PPP1R16A: variants seen among roughly 807,000 people sequenced by gnomAD.
PPP1R16A encodes myosin phosphatase-targeting subunit 3.
In PPP1R16A, 39 loss-of-function variants were observed where a neutral mutation model predicts 46.6. The observed-to-expected ratio is 0.84, with a 90% confidence interval of 0.65 to 1.09. The LOEUF (loss-of-function observed/expected upper bound fraction) is 1.09, where lower values mean the gene tolerates loss of function less well. Ranked by LOEUF, PPP1R16A falls within the 50% of genes least tolerant of loss-of-function variation. The pLI, the probability that PPP1R16A is intolerant of heterozygous loss-of-function variation, is 0.00. For synonymous variants in PPP1R16A, 413 were observed against 321.5 expected (o/e 1.28, Z -3.04); for missense variants, 798 against 735.6 (o/e 1.08, Z -0.98).
chr8:144,501,802 G>T lies in PPP1R16A; in HGVS notation c.1486G>T (p.Asp496Tyr), dbSNP rs377443927. 1.3e-6 allele frequency: 2 copies of T among 1,556,610 alleles called. No individual in the cohort carries two copies. Among genetic ancestry groups the T allele is most frequent in the Non-Finnish European group, 8.7e-7 (1 of 1,151,292 alleles). ...LPGDTVTPQP[D>Y]CGFRAGGDPP... Reference sequence around the variant, plus strand: ...TGGTGACACGGTGACCCCCCAGCCTGACTGTGGCTTCAGGGCAGGCGGGGA... The same window carrying T: ...TGGTGACACGGTGACCCCCCAGCCTTACTGTGGCTTCAGGGCAGGCGGGGA... The change falls in exon 12 of 12, where the codon GAC becomes TAC. Residue 496 changes from aspartate (D) to tyrosine (Y), a missense_variant. Asp to Tyr is a radical substitution (Grantham distance 160). Transcript: ENST00000435887.
At chr8:144,483,432 C>T (rs1024831234) in intron 1 of PPP1R16A, among the ~76,000 whole-genome samples, 10 of 152,244 alleles carry the variant, frequency 6.6e-5, no homozygotes, top group East Asian at 1.9e-4. Context: ...ATTTTTGAGA[C>T]GAAGTCTTGC....
chr8:144,500,430 C>A (rs1250889865), intron 7 of PPP1R16A, 39 bp downstream of exon 7: 1 of 1,524,248 alleles, frequency 6.6e-7, no homozygotes, highest in East Asian at 2.4e-5. Flanking sequence ...GGGCTGGGGG[C>A]CTCGCTACTT....
intron 3 of PPP1R16A, chr8:144,497,822 G>A: frequency 2.6e-6 from 1 of 388,478 alleles, no homozygotes; most frequent in Non-Finnish European, 5.0e-6. Flanking sequence ...TTGTTAGGCT[G>A]CTCAGGAGAG....
chr8:144,491,344 T>C (rs145866829), intron 2 of PPP1R16A, among the ~76,000 whole-genome samples: 42 of 152,316 alleles, frequency 2.8e-4, no homozygotes, highest in African/African-American at 9.1e-4. Flanking sequence ...TCGGGTGTGG[T>C]GGCTCATACC....
chr8:144,500,858 G>A lies in PPP1R16A; in HGVS notation c.924G>A (p.Glu308=). ...ACTTCTCAGATGTGTGCGGGGACGA[G>A]GAGGTGCGGGCCAAGCTGCTGGAGC... is the stretch of plus-strand genomic sequence containing the variant. The part of the protein sequence containing the change: ...DETPLDVCGD[E]EVRAKLLELK... The change falls in exon 10 of 12, where the codon GAG becomes GAA. Residue 308 remains glutamate, a synonymous_variant. Transcript: ENST00000435887. 1.3e-6 allele frequency: 2 copies of A among 1,572,300 alleles called. No individual in the cohort carries two copies. Among genetic ancestry groups the A allele is most frequent in the Non-Finnish European group, 8.6e-7 (1 of 1,160,636 alleles).
intron 1 of PPP1R16A, among the ~76,000 whole-genome samples, chr8:144,488,864 C>G (rs1825704425): frequency 6.6e-6 from 1 of 151,576 alleles, no homozygotes; most frequent in African/African-American, 2.4e-5. Context: ...GGGACAGAGC[C>G]CCAGGGGAGG....
chr8:144,486,575 G>A (rs1179315608), intron 1 of PPP1R16A, among the ~76,000 whole-genome samples: 1 of 152,204 alleles, frequency 6.6e-6, no homozygotes, highest in African/African-American at 2.4e-5. Flanking sequence ...GTATCTCGCT[G>A]TGGCTCTAAT....
chr8:144,480,679 T>C (rs1198214206), intron 1 of PPP1R16A, among the ~76,000 whole-genome samples: 2 of 151,542 alleles, frequency 1.3e-5, no homozygotes, highest in Non-Finnish European at 2.9e-5. Context: ...AGAGATGGGA[T>C]TTCACCGTGT....
chr8:144,501,289 C>A lies in PPP1R16A; in HGVS notation c.1198C>A (p.Pro400Thr). The change falls in exon 11 of 12, where the codon CCG becomes ACG. Residue 400 changes from proline to threonine, a missense_variant. Pro to Thr is a conservative substitution (Grantham distance 38). Coordinates refer to ENST00000435887, the MANE Select transcript of PPP1R16A (RefSeq NM_001329443.2). ...AGGCGCAGAGCTCAGGCCGCCGCCC[C>A]CGGAGGTGAGCGCCCCGTCCCTGCT... ...QTGAELRPPP[P>T]EEDNPEVVRP... 1 of 1,584,192 alleles carries A rather than the reference C, an allele frequency of 6.3e-7. No individual in the cohort carries two copies. Among genetic ancestry groups the A allele is most frequent in the Non-Finnish European group, 8.5e-7 (1 of 1,170,646 alleles).
chr8:144,485,102 C>A (rs911043765), intron 1 of PPP1R16A, among the ~76,000 whole-genome samples: 2 of 151,222 alleles, frequency 1.3e-5, no homozygotes, highest in Non-Finnish European at 2.9e-5. Flanking sequence ...AGGAGTCAGC[C>A]CCCTCAGAGG....
At chr8:144,478,149 C>T (rs879729842) in intron 1 of PPP1R16A, 22 bp downstream of exon 1, 11 of 394,466 alleles carry the variant, frequency 2.8e-5, no homozygotes, top group Admixed American at 4.4e-5. Flanking sequence ...ACTCCCGGGT[C>T]CTGCGGCGGG....
At position 144,498,795 on chromosome 8, in the gene PPP1R16A, C is replaced by G. The variant is rs1488136829; in HGVS notation, c.285C>G (p.Val95=). The part of the protein sequence containing the change: ...EEVRQFLGSG[V]SPDLANEDGL... ...TCCGCCAGTTCCTTGGGAGTGGGGT[C>G]AGCCCTGACTTGGCCAACGAGGACG... is the stretch of plus-strand genomic sequence containing the variant. The change falls in exon 4 of 12, where the codon GTC becomes GTG. Residue 95 remains valine (V), a synonymous_variant. Coordinates refer to ENST00000435887, the MANE Select transcript of PPP1R16A (RefSeq NM_001329443.2). 3 of 1,596,736 alleles carry G rather than the reference C, an allele frequency of 1.9e-6. No individual in the cohort carries two copies. Among genetic ancestry groups the G allele is most frequent in the Non-Finnish European group, 8.6e-7 (1 of 1,167,174 alleles).
chr8:144,497,252 C>T lies in PPP1R16A; in HGVS notation c.58C>T (p.Gln20Ter). The T allele has an allele frequency of 1.2e-6, 2 of 1,607,788 alleles. No individual in the cohort carries two copies. The highest frequency in any genetic ancestry group is 2.2e-5 in the South Asian group (2 of 90,366). ...GCCCATGGTGGGCAGGATGAGCACA[C>T]AGGAGCGGCTGAAGCATGCCCAGAA... ...EMPMVGRMST[Q>*]ERLKHAQKRR... Residue 20 changes from glutamine (Q) to a stop codon, truncating the protein, a stop_gained, in exon 3 of 12, where the codon CAG becomes TAG. Coordinates refer to ENST00000435887, the MANE Select transcript of PPP1R16A (RefSeq NM_001329443.2). LOFTEE classifies it high-confidence loss of function.
At chr8:144,486,631 C>T (rs577354248) in intron 1 of PPP1R16A, among the ~76,000 whole-genome samples, 31 of 152,292 alleles carry the variant, frequency 2.0e-4, no homozygotes, top group Middle Eastern at 3.4e-3. Flanking sequence ...TTGTCACGGA[C>T]GCATTTGCCA....
intron 1 of PPP1R16A, among the ~76,000 whole-genome samples, chr8:144,480,160 G>A (rs183167594): frequency 6.6e-6 from 1 of 152,356 alleles, no homozygotes; most frequent in Non-Finnish European, 1.5e-5. Context: ...AAGATCCGGT[G>A]GAAGAACTTT....
At chr8:144,501,074 C>CG in intron 10 of PPP1R16A, 55 bp from the exon 11 acceptor site, 1 of 1,573,058 alleles carries the variant, frequency 6.4e-7, no homozygotes, top group Non-Finnish European at 8.6e-7. Flanking sequence ...AGGGGGTGGG[C>CG]GGGGTCCTCC....
intron 2 of PPP1R16A, among the ~76,000 whole-genome samples, chr8:144,491,262 T>C (rs1825802264): frequency 6.6e-6 from 1 of 152,288 alleles, no homozygotes; most frequent in East Asian, 1.9e-4. Flanking sequence ...CCCAGAATGA[T>C]GGGCATCTAG....
At chr8:144,499,401 G>C (rs1826281590) in intron 5 of PPP1R16A, 11 of 336,278 alleles carry the variant, frequency 3.3e-5, no homozygotes, top group Non-Finnish European at 5.5e-6. Context: ...AGGTGGCTTG[G>C]GAGGAGAGGG....
chr8:144,501,266 G>T lies in PPP1R16A; in HGVS notation c.1175G>T (p.Gly392Val). ...PPEDNDDRQTGAELRPPPPEE... is the reference protein window; with the variant it reads ...PPEDNDDRQTVAELRPPPPEE... Reference sequence around the variant, plus strand: ...GAGGACAACGATGACCGCCAGACAGGCGCAGAGCTCAGGCCGCCGCCCCCG... The same window carrying T: ...GAGGACAACGATGACCGCCAGACAGTCGCAGAGCTCAGGCCGCCGCCCCCG... The change falls in exon 11 of 12, where the codon GGC (glycine) becomes GTC (valine). Residue 392 changes from glycine (G) to valine (V), a missense_variant. Gly to Val is a moderately radical substitution (Grantham distance 109). Coordinates refer to ENST00000435887, the MANE Select transcript of PPP1R16A (RefSeq NM_001329443.2). 1 of 1,600,014 alleles carries T rather than the reference G, an allele frequency of 6.2e-7. No individual in the cohort carries two copies. Among genetic ancestry groups the T allele is most frequent in the Non-Finnish European group, 8.5e-7 (1 of 1,177,422 alleles).
Sources: allele counts gnomAD v4.1 joint callset (sites outside exome capture counted in the v4.1 genomes callset), GRCh38; gene constraint gnomAD v4.1.1; transcripts MANE v1.5; gene names NCBI Gene and HGNC (gene_info 2026-07-23, HGNC 2026-07-21).